CNST: variants seen among roughly 807,000 people sequenced by gnomAD.
CNST encodes the protein consortin.
Under a neutral mutation model 72.4 loss-of-function variants are expected in CNST, and 39 were observed. The ratio of observed to expected loss-of-function variants is 0.54; its 90% CI spans 0.42 to 0.70. The LOEUF (loss-of-function observed/expected upper bound fraction) is 0.70, where lower values mean the gene tolerates loss of function less well. Ranked by LOEUF, CNST falls within the 30% of genes least tolerant of loss-of-function variation. The pLI is 0.00. For synonymous variants in CNST, 332 were observed against 320.1 expected, an observed-to-expected ratio of 1.04 and a Z score of -0.40; for missense variants, 871 against 868.5, an observed-to-expected ratio of 1.00 and a Z score of -0.04.
intron 1 of CNST, among the ~76,000 whole-genome samples, chr1:246,582,180 A>G (rs1035536967): frequency 3.3e-5 from 5 of 152,316 alleles, no homozygotes; most frequent in South Asian, 2.1e-4. Flanking sequence ...GAAGTTAAAC[A>G]CGACTTTGCT....
chr1:246,666,930 A>G lies in CNST; in HGVS notation c.*1025A>G, dbSNP rs1387726076. 6.6e-6 allele frequency: 1 copy of G among 152,202 alleles called. No homozygotes were observed. Among genetic ancestry groups the G allele is most frequent in the Non-Finnish European group, 1.5e-5 (1 of 68,030 alleles). 9.4% of individuals were successfully genotyped at this position (152,202 alleles called of 1,614,324 possible). On this transcript the variant is annotated 3_prime_UTR_variant, in exon 11 of 11. Coordinates refer to ENST00000366513, the MANE Select transcript of CNST (RefSeq NM_152609.3). ...CAGTATTAACAGATCATGCATTCAG[A>G]TGCTTGAATGTGCATTCTTGTTGTG...
intron 1 of CNST, among the ~76,000 whole-genome samples, chr1:246,584,336 T>A (rs1336435412): frequency 6.6e-6 from 1 of 152,170 alleles, no homozygotes; most frequent in Admixed American, 6.5e-5. Flanking sequence ...ATTTTAAGAA[T>A]TAATTTTCTT....
chr1:246,598,245 A>C (rs1662021746), intron 2 of CNST, among the ~76,000 whole-genome samples: 1 of 151,260 alleles, frequency 6.6e-6, no homozygotes, highest in African/African-American at 2.4e-5. Context: ...TTGGCCCCCT[A>C]AAGTGCTAGG....
chr1:246,585,282 G>A (rs1202525209), intron 1 of CNST, among the ~76,000 whole-genome samples: 1 of 152,138 alleles, frequency 6.6e-6, no homozygotes, highest in African/African-American at 2.4e-5. Context: ...ATCAGCAGGA[G>A]GGGTTTGTCT....
intron 1 of CNST, among the ~76,000 whole-genome samples, chr1:246,589,366 T>C (rs1349257413): frequency 6.6e-6 from 1 of 151,192 alleles, no homozygotes; most frequent in Non-Finnish European, 1.5e-5. Context: ...CATGCGGTGT[T>C]TGGTTTTTTG....
chr1:246,657,226 C>T (rs900903620), intron 9 of CNST, among the ~76,000 whole-genome samples: 2 of 152,072 alleles, frequency 1.3e-5, no homozygotes, highest in African/African-American at 2.4e-5. Context: ...TAGAAAGGCT[C>T]GATGCTGTCC....
At chr1:246,664,351 A>C (rs886868023) in intron 10 of CNST, among the ~76,000 whole-genome samples, 1 of 152,078 alleles carries the variant, frequency 6.6e-6, no homozygotes, top group African/African-American at 2.4e-5. Flanking sequence ...TGTTGAAACT[A>C]TATGTCCCAG....
At chr1:246,608,315 G>T (rs1339886673) in intron 2 of CNST, among the ~76,000 whole-genome samples, 1 of 152,158 alleles carries the variant, frequency 6.6e-6, no homozygotes, top group Admixed American at 6.5e-5. Context: ...ACTGTAGCCT[G>T]GGCAACAGAG....
chr1:246,627,814 T>C (rs962617334), intron 3 of CNST, among the ~76,000 whole-genome samples: 2 of 150,772 alleles, frequency 1.3e-5, no homozygotes, highest in African/African-American at 4.9e-5. Context: ...GGATGTGAGA[T>C]CTTTGGAAGG....
intron 2 of CNST, among the ~76,000 whole-genome samples, chr1:246,620,563 G>A (rs1451804518): frequency 1.5e-5 from 2 of 131,416 alleles, no homozygotes; most frequent in African/African-American, 6.0e-5. Flanking sequence ...GCATACACAC[G>A]ATGGGCTCTG....
At chr1:246,658,739 C>G (rs554438346) in intron 9 of CNST, among the ~76,000 whole-genome samples, 6 of 102,948 alleles carry the variant, frequency 5.8e-5, no homozygotes, top group African/African-American at 1.7e-4. Context: ...CAGCAAGTCA[C>G]TGGCCTGATG....
chr1:246,577,369 C>G (rs1199743337), intron 1 of CNST, among the ~76,000 whole-genome samples: 1 of 151,986 alleles, frequency 6.6e-6, no homozygotes, highest in African/African-American at 2.4e-5. Context: ...TTTCTAGACC[C>G]TCTACTATCC....
intron 6 of CNST, among the ~76,000 whole-genome samples, chr1:246,635,092 A>G (rs1262175476): frequency 6.6e-6 from 1 of 152,174 alleles, no homozygotes; most frequent in African/African-American, 2.4e-5. Flanking sequence ...TCATCCCCCC[A>G]AGCTTTCGGC....
At chr1:246,623,789 G>A (rs1292969629) in intron 3 of CNST, among the ~76,000 whole-genome samples, 2 of 151,218 alleles carry the variant, frequency 1.3e-5, no homozygotes, top group African/African-American at 2.4e-5. Flanking sequence ...AGGGCCAGGC[G>A]CGGTAGCTCA....
chr1:246,631,125 A>G (rs534617817), intron 3 of CNST, among the ~76,000 whole-genome samples: 2 of 152,336 alleles, frequency 1.3e-5, no homozygotes, highest in East Asian at 1.9e-4. Context: ...CATAAATGTC[A>G]TATCTAAATA....
intron 9 of CNST, among the ~76,000 whole-genome samples, chr1:246,649,524 T>A (rs1666334317): frequency 6.6e-6 from 1 of 152,192 alleles, no homozygotes; most frequent in Admixed American, 6.5e-5. Flanking sequence ...AAGTTACCAT[T>A]GTCTGACTGT....
At chr1:246,585,400 A>G (rs1017833093) in intron 1 of CNST, among the ~76,000 whole-genome samples, 2 of 152,046 alleles carry the variant, frequency 1.3e-5, no homozygotes, top group Non-Finnish European at 2.9e-5. Context: ...TAATCCCAGC[A>G]CTTTGGGAGG....
chr1:246,654,636 C>T (rs1204588860), intron 9 of CNST, among the ~76,000 whole-genome samples: 1 of 152,220 alleles, frequency 6.6e-6, no homozygotes, highest in Non-Finnish European at 1.5e-5. Flanking sequence ...TTTATATTCT[C>T]TGCAAAGCTA....
intron 9 of CNST, among the ~76,000 whole-genome samples, chr1:246,652,342 G>C (rs990709047): frequency 6.6e-6 from 1 of 152,168 alleles, no homozygotes; most frequent in South Asian, 2.1e-4. Flanking sequence ...ACGGGGGTGC[G>C]CACTCAGCTT....
Sources: gnomAD v4.1 joint callset for allele counts (sites outside exome capture counted in the v4.1 genomes callset) on GRCh38, gnomAD v4.1.1 for gene constraint, MANE v1.5 for transcripts, NCBI Gene and HGNC (gene_info 2026-07-23, HGNC 2026-07-21) for gene names.